AGAP1: variants seen among roughly 807,000 people sequenced by gnomAD.
AGAP1 encodes ArfGAP with GTPase domain, ankyrin repeat and PH domain 1, also known as arf-GAP with GTPase, ANK repeat and PH domain-containing protein 1.
Under a neutral mutation model 105.3 loss-of-function variants are expected in AGAP1, and 29 were observed. The observed-to-expected ratio is 0.28, with a 90% CI of 0.21 to 0.38. AGAP1 has a LOEUF of 0.38. Among genes scored for constraint, AGAP1 ranks in the 10% least tolerant of loss-of-function variants. AGAP1 has a pLI of 1.00. For missense variants in AGAP1, 998 were observed against 1,165.1 expected (o/e 0.86, Z 2.09); for synonymous variants, 509 against 485.9 (o/e 1.05, Z -0.63).
chr2:235,598,313 TG>T (rs1945609443), intron 1 of AGAP1, among the ~76,000 whole-genome samples: 1 of 152,160 alleles, frequency 6.6e-6, no homozygotes, highest in South Asian at 2.1e-4. Context: ...CTGGAATAAT[TG>T]GGTAAATAAT....
chr2:235,840,012 A>G (rs905719816), intron 9 of AGAP1, among the ~76,000 whole-genome samples: 10 of 152,160 alleles, frequency 6.6e-5, no homozygotes, highest in African/African-American at 2.4e-4. Flanking sequence ...GAGGAAAATA[A>G]TTTTCCATCT....
chr2:235,941,896 A>G (rs1272689744), intron 12 of AGAP1, among the ~76,000 whole-genome samples: 1 of 152,128 alleles, frequency 6.6e-6, no homozygotes, highest in Non-Finnish European at 1.5e-5. Context: ...CAGAGGAAGG[A>G]AGGAGCGTTC....
chr2:235,537,687 A>G (rs1383046203), intron 1 of AGAP1, among the ~76,000 whole-genome samples: 1 of 152,192 alleles, frequency 6.6e-6, no homozygotes, highest in Non-Finnish European at 1.5e-5. Flanking sequence ...TAAATTGTTG[A>G]GTTCCCAGTC....
intron 1 of AGAP1, among the ~76,000 whole-genome samples, chr2:235,502,700 C>CCT (rs567305485): frequency 9.0e-6 from 1 of 110,994 alleles, no homozygotes; most frequent in Non-Finnish European, 1.8e-5. Context: ...TTTTATTTGC[C>CCT]TTTTTTTTTT....
intron 13 of AGAP1, among the ~76,000 whole-genome samples, chr2:236,028,574 C>T (rs1215289974): frequency 6.6e-6 from 1 of 152,178 alleles, no homozygotes; most frequent in African/African-American, 2.4e-5. Flanking sequence ...CATCTTATAT[C>T]TTGCCCATTT....
intron 1 of AGAP1, among the ~76,000 whole-genome samples, chr2:235,554,708 C>T (rs1437591957): frequency 6.6e-6 from 1 of 152,108 alleles, no homozygotes; most frequent in African/African-American, 2.4e-5. Flanking sequence ...GACAGAGTTT[C>T]GCTCTTGTTG....
chr2:235,590,867 C>T (rs889334835), intron 1 of AGAP1, among the ~76,000 whole-genome samples: 8 of 150,598 alleles, frequency 5.3e-5, no homozygotes, highest in African/African-American at 2.0e-4. Flanking sequence ...ACTACAGGCA[C>T]CTGCCACTAC....
At chr2:235,805,020 A>G (rs989218542) in intron 8 of AGAP1, among the ~76,000 whole-genome samples, 1 of 152,198 alleles carries the variant, frequency 6.6e-6, no homozygotes, top group Admixed American at 6.5e-5. Context: ...GTCTATGTCC[A>G]TTGGATTTGA....
In AGAP1 at chr2:235,633,462, C is replaced by T. The variant is rs1477985229; in HGVS notation, c.164-75717C>T. Among the ~76,000 whole-genome samples, 2 of 152,098 alleles carry T rather than the reference C, an allele frequency of 1.3e-5. No homozygotes were observed. Among genetic ancestry groups the T allele is most frequent in the African/African-American group, 4.8e-5 (2 of 41,426 alleles). On this transcript the variant is annotated intron_variant, in intron 1 of 17. Coordinates refer to ENST00000304032, the MANE Select transcript of AGAP1 (RefSeq NM_001037131.3). The surrounding 1 kb of genome is among the most constrained non-coding windows in gnomAD (Gnocchi z 4.8). ...TACAAAAATTAGCCAGGCATGGTGGCGGGCTCCTGTAATTCCAGCTACTCG... is the reference window on the plus strand; with the variant it reads ...TACAAAAATTAGCCAGGCATGGTGGTGGGCTCCTGTAATTCCAGCTACTCG...
chr2:235,520,627 A>G (rs1281682873), intron 1 of AGAP1, among the ~76,000 whole-genome samples: 1 of 152,070 alleles, frequency 6.6e-6, no homozygotes, highest in East Asian at 1.9e-4. Flanking sequence ...AGCTCGTCAG[A>G]GGTTGCAAAA....
chr2:235,858,598 A>G (rs754136594), intron 9 of AGAP1, among the ~76,000 whole-genome samples: 4 of 152,210 alleles, frequency 2.6e-5, no homozygotes, highest in Admixed American at 2.0e-4. Context: ...TGATAAAAAA[A>G]AATATGAACT....
chr2:236,103,381 G>T (rs527508246), intron 16 of AGAP1, among the ~76,000 whole-genome samples: 2 of 152,176 alleles, frequency 1.3e-5, no homozygotes, highest in South Asian at 4.1e-4. Flanking sequence ...TGGGCTGGCT[G>T]GTCCTCATTT....
intron 10 of AGAP1, among the ~76,000 whole-genome samples, chr2:235,894,947 AAGGTCAAT>A (rs1453285636): frequency 1.3e-5 from 2 of 152,174 alleles, no homozygotes; most frequent in African/African-American, 4.8e-5. Context: ...TGAGCCTCTC[AAGGTCAAT>A]TATGCAGTGA....
At chr2:235,791,021 C>T (rs186827377) in intron 6 of AGAP1, among the ~76,000 whole-genome samples, 6 of 152,362 alleles carry the variant, frequency 3.9e-5, no homozygotes, top group Admixed American at 2.6e-4. Context: ...GATGTGTGTG[C>T]TTCCTCACAT....
chr2:235,613,883 C>T (rs1012040396), intron 1 of AGAP1, among the ~76,000 whole-genome samples: 6 of 152,200 alleles, frequency 3.9e-5, no homozygotes, highest in South Asian at 2.1e-4. Context: ...CCGTGTGGCC[C>T]GCAGGGTGGC....
In AGAP1 at chr2:236,053,338, G is replaced by C. The variant is rs187637455; in HGVS notation, c.2114+4057G>C. ...ACATGTCAGGTGCTCTTGCTACTTC[G>C]GGGCCTTGGAATTCCTCATGTGAGT... On this transcript the variant is annotated intron_variant, in intron 16 of 17. Transcript: ENST00000304032. This position sits in a 1 kb window ranked among gnomAD's most constrained non-coding sequence, Gnocchi z 4.6. 8.4e-4 allele frequency among the ~76,000 whole-genome samples: 128 copies of C among 152,316 alleles called. No homozygotes were observed. Among genetic ancestry groups the C allele is most frequent in the Non-Finnish European group, 1.4e-3 (95 of 68,024 alleles).
intron 9 of AGAP1, among the ~76,000 whole-genome samples, chr2:235,833,256 G>C (rs775404943): frequency 6.6e-6 from 1 of 152,242 alleles, no homozygotes; most frequent in African/African-American, 2.4e-5. Flanking sequence ...AGAGGCTGGC[G>C]TAGGCACGGG....
At chr2:235,909,149 G>A (rs1186493292) in intron 11 of AGAP1, among the ~76,000 whole-genome samples, 1 of 152,152 alleles carries the variant, frequency 6.6e-6, no homozygotes, top group Non-Finnish European at 1.5e-5. Flanking sequence ...GGCCTTTCCA[G>A]GGCTGCATAG....
rs1468732304 is a variant in AGAP1, at chr2:235,866,984, G to A, written c.1051-16361G>A. ...ATCTCAATATCTGAATTAGGGAGTG[G>A]AGCACAATGCAGCCCATAATAGTCA... On this transcript the variant is annotated intron_variant, in intron 9 of 17. Coordinates refer to ENST00000304032, the MANE Select transcript of AGAP1 (RefSeq NM_001037131.3). The surrounding 1 kb of genome is among the most constrained non-coding windows in gnomAD (Gnocchi z 6.1). 2.6e-5 allele frequency among the ~76,000 whole-genome samples: 4 copies of A among 152,178 alleles called. No homozygotes were observed. In the South Asian group the frequency reaches 8.3e-4, roughly 31 times the overall value.
Sources: gnomAD v4.1 joint callset for allele counts (sites outside exome capture counted in the v4.1 genomes callset) on GRCh38, gnomAD v4.1.1 for gene constraint, Gnocchi (gnomAD v3.1) non-coding constraint, MANE v1.5 for transcripts, NCBI Gene and HGNC (gene_info 2026-07-23, HGNC 2026-07-21) for gene names.